TOM1: variants seen among roughly 807,000 people sequenced by gnomAD.
The protein encoded by TOM1 is target of Myb protein 1.
In TOM1, 38 loss-of-function variants were observed where a neutral mutation model predicts 61.3. That is an observed-to-expected ratio of 0.62 (90% CI 0.48 to 0.81). TOM1 has a LOEUF of 0.81. Ranked by LOEUF, TOM1 falls within the 40% of genes least tolerant of loss-of-function variation. TOM1 has a pLI of 0.00. For synonymous variants in TOM1, 270 were observed against 268.8 expected, an observed-to-expected ratio of 1.00 and a Z score of -0.04; for missense variants, 591 against 659.6, an observed-to-expected ratio of 0.90 and a Z score of 1.14.
chr22:35,333,427 A>G lies in TOM1; in HGVS notation c.957A>G (p.Ala319=). 6.2e-7 allele frequency: 1 copy of G among 1,614,078 alleles called. No individual in the cohort carries two copies. The change falls in exon 10 of 15, where the codon GCA becomes GCG. Residue 319 remains alanine, a synonymous_variant. Coordinates refer to ENST00000449058, the MANE Select transcript of TOM1 (RefSeq NM_005488.3). ...AGGCCCCAAGTGAGGCCGAGCCGGC[A>G]GCTGACCTGATCGACATGGGCCCTG... The part of the protein sequence containing the change: ...TTKAPSEAEP[A]ADLIDMGPDP...
intron 1 of TOM1, among the ~76,000 whole-genome samples, chr22:35,306,816 T>C (rs1926368202): frequency 6.6e-6 from 1 of 152,212 alleles, no homozygotes; most frequent in Non-Finnish European, 1.5e-5. Flanking sequence ...GCCTTTGTGA[T>C]GGTCTTTGTG....
chr22:35,314,199 A>C (rs1261024928), intron 1 of TOM1, among the ~76,000 whole-genome samples: 2 of 137,152 alleles, frequency 1.5e-5, no homozygotes, highest in East Asian at 4.3e-4. Context: ...AGGGGTTGGC[A>C]AGTGATGGTC....
In TOM1 at chr22:35,346,943, A is replaced by T. The variant is rs1316446300; in HGVS notation, c.1298A>T (p.Glu433Val). 1.2e-6 allele frequency: 2 copies of T among 1,612,570 alleles called. No individual in the cohort carries two copies. Among genetic ancestry groups the T allele is most frequent in the East Asian group, 4.5e-5 (2 of 44,818 alleles). ...WLSTDVGNDAEEPKGVTSEEF... is the reference protein window; with the variant it reads ...WLSTDVGNDAVEPKGVTSEEF... ...CTACCTTCCCAGGGTAATGATGCGG[A>T]AGAGCCTAAGGGGGTCACCAGCGAA... The change falls in exon 14 of 15, where the codon GAA becomes GTA. Residue 433 changes from glutamate (E) to valine (V), a missense_variant. Transcript: ENST00000449058.
intron 11 of TOM1, among the ~76,000 whole-genome samples, chr22:35,334,841 C>T (rs74856028): frequency 2.9e-5 from 4 of 135,906 alleles, no homozygotes; most frequent in Admixed American, 1.5e-4. Flanking sequence ...CCCCCGCCCC[C>T]CTCCCTGCAC....
intron 8 of TOM1, among the ~76,000 whole-genome samples, chr22:35,331,044 C>G (rs1425428708): frequency 1.3e-5 from 2 of 151,608 alleles, no homozygotes; most frequent in Non-Finnish European, 2.9e-5. Flanking sequence ...AGGGTGCTGC[C>G]ATCAATAAAT....
chr22:35,334,631 C>G (rs1222411317), intron 11 of TOM1, among the ~76,000 whole-genome samples, 183 bp downstream of exon 11: 1 of 152,170 alleles, frequency 6.6e-6, no homozygotes, highest in East Asian at 1.9e-4. Context: ...TGACAGACTG[C>G]GCTCCCCACA....
At chr22:35,337,404 C>T (rs1334892805) in intron 11 of TOM1, among the ~76,000 whole-genome samples, 1 of 152,194 alleles carries the variant, frequency 6.6e-6, no homozygotes, top group Non-Finnish European at 1.5e-5. Flanking sequence ...CCTGACGCCC[C>T]ACCTCCCCCG....
intron 1 of TOM1, among the ~76,000 whole-genome samples, chr22:35,306,658 G>T (rs992582873): frequency 5.3e-5 from 8 of 152,292 alleles, no homozygotes; most frequent in Non-Finnish European, 1.2e-4. Flanking sequence ...GGGCTGTCGT[G>T]TTGTTGTGCT....
intron 1 of TOM1, among the ~76,000 whole-genome samples, chr22:35,314,591 C>G (rs1569022221): frequency 6.6e-6 from 1 of 152,188 alleles, no homozygotes; most frequent in Non-Finnish European, 1.5e-5. Flanking sequence ...CTGATGTTCC[C>G]TCCTCCAGGA....
chr22:35,318,682 G>A (rs373746058), intron 2 of TOM1, among the ~76,000 whole-genome samples: 14 of 152,352 alleles, frequency 9.2e-5, no homozygotes, highest in South Asian at 6.2e-4. Context: ...CAATAAGCCC[G>A]AGTCCCTGGA....
At chr22:35,321,500 G>T (rs1481344692) in intron 2 of TOM1, among the ~76,000 whole-genome samples, 1 of 152,098 alleles carries the variant, frequency 6.6e-6, no homozygotes, top group Non-Finnish European at 1.5e-5. Flanking sequence ...CTGGGTTCAA[G>T]CGATTCTCCC....
At chr22:35,339,006 A>G (rs1034922967) in intron 12 of TOM1, among the ~76,000 whole-genome samples, 1 of 152,214 alleles carries the variant, frequency 6.6e-6, no homozygotes, top group African/African-American at 2.4e-5. Flanking sequence ...CCAAGCCCAC[A>G]AGCAAGGATT....
intron 1 of TOM1, among the ~76,000 whole-genome samples, chr22:35,303,265 C>T (rs2145600855): frequency 6.6e-6 from 1 of 152,122 alleles, no homozygotes; most frequent in Admixed American, 6.5e-5. Flanking sequence ...GAGGCTTGCC[C>T]CAAGCCCGAC....
chr22:35,341,255 G>A (rs1929857364), intron 12 of TOM1, among the ~76,000 whole-genome samples: 1 of 152,204 alleles, frequency 6.6e-6, no homozygotes, highest in Non-Finnish European at 1.5e-5. Flanking sequence ...CAGGTGTACT[G>A]TCCTCGGTAT....
chr22:35,312,328 G>T (rs1926911491), intron 1 of TOM1, among the ~76,000 whole-genome samples: 1 of 151,900 alleles, frequency 6.6e-6, no homozygotes, highest in Admixed American at 6.6e-5. Flanking sequence ...CACTGTCTCA[G>T]CACCTGGTCT....
intron 11 of TOM1, among the ~76,000 whole-genome samples, chr22:35,336,534 A>G (rs1399357873): frequency 1.3e-5 from 2 of 152,364 alleles, no homozygotes; most frequent in East Asian, 3.9e-4. Flanking sequence ...AATGCCAAGG[A>G]GTAGCAGGGC....
At chr22:35,316,447 C>G (rs1451118232) in intron 1 of TOM1, among the ~76,000 whole-genome samples, 1 of 152,190 alleles carries the variant, frequency 6.6e-6, no homozygotes, top group South Asian at 2.1e-4. Context: ...TCCTAAAGAC[C>G]GTTTACAAAG....
chr22:35,308,289 T>C (rs1469063246), intron 1 of TOM1, among the ~76,000 whole-genome samples: 4 of 149,340 alleles, frequency 2.7e-5, no homozygotes, highest in South Asian at 4.2e-4. Context: ...TTTTTTTTTT[T>C]TCTTTTTTTT....
Position 35,346,935 on chromosome 22 carries a change from T to A in TOM1, c.1290T>A (p.Asn430Lys). ...IEQWLSTDVG[N>K]DAEEPKGVTS... is the part of the protein sequence containing the mutation. Reference sequence around the variant, plus strand: ...CTTTCCTTCTACCTTCCCAGGGTAATGATGCGGAAGAGCCTAAGGGGGTCA... The same window carrying A: ...CTTTCCTTCTACCTTCCCAGGGTAAAGATGCGGAAGAGCCTAAGGGGGTCA... Residue 430 changes from asparagine to lysine, a missense_variant, in exon 14 of 15, where the codon AAT becomes AAA. Asn to Lys is a moderately conservative substitution (Grantham distance 94). Transcript: ENST00000449058. 1 of 1,612,458 alleles carries A rather than the reference T, an allele frequency of 6.2e-7. No homozygotes were observed. The highest frequency in any genetic ancestry group is 8.5e-7 in the Non-Finnish European group (1 of 1,179,416).
Sources: allele counts gnomAD v4.1 joint callset (sites outside exome capture counted in the v4.1 genomes callset), GRCh38; gene constraint gnomAD v4.1.1; transcripts MANE v1.5; gene names NCBI Gene and HGNC (gene_info 2026-07-23, HGNC 2026-07-21).